Variants in RAPH1 observed in about 807,000 individuals in gnomAD.
The protein encoded by RAPH1 is Ras association (RalGDS/AF-6) and pleckstrin homology domains 1, also known as ras-associated and pleckstrin homology domains-containing protein 1.
In RAPH1, 18 loss-of-function variants were observed where a neutral mutation model predicts 88.1. That is an observed-to-expected ratio of 0.20 (90% confidence interval 0.14 to 0.30). RAPH1 has a LOEUF of 0.30. RAPH1 is among the 10% of genes least tolerant of loss of function. The pLI is 1.00. For synonymous variants in RAPH1, 587 were observed against 559.0 expected, an observed-to-expected ratio of 1.05 and a Z score of -0.71; for missense variants, 1,448 against 1,543.2, an observed-to-expected ratio of 0.94 and a Z score of 1.03.
intron 4 of RAPH1, among the ~76,000 whole-genome samples, chr2:203,484,093 AG>A (rs1687853094): frequency 6.6e-6 from 1 of 152,162 alleles, no homozygotes; most frequent in Admixed American, 6.6e-5. Flanking sequence ...ATCTCTCTGG[AG>A]AAATATAATA....
Position 203,448,190 on chromosome 2 carries a change from A to T in RAPH1, c.1513-111T>A. 4 of 973,616 alleles carry T rather than the reference A, an allele frequency of 4.1e-6. No individual in the cohort carries two copies. Among genetic ancestry groups the T allele is most frequent in the Non-Finnish European group, 6.1e-6 (4 of 659,080 alleles). 60.3% of individuals were successfully genotyped at this position (973,616 alleles called of 1,614,324 possible). On this transcript the variant is annotated intron_variant, in intron 11 of 13. Coordinates refer to ENST00000319170, the MANE Select transcript of RAPH1 (RefSeq NM_213589.3). The surrounding 1 kb of genome is among the most constrained non-coding windows in gnomAD (Gnocchi z 4.1). Reference sequence around the variant, plus strand: ...TTTACTGATTGATGGTCTGTATTAAAATTAATACCTATGATAGTTCAAAAA... The same window carrying T: ...TTTACTGATTGATGGTCTGTATTAATATTAATACCTATGATAGTTCAAAAA...
chr2:203,465,397 A>G (rs1029931013), intron 4 of RAPH1, among the ~76,000 whole-genome samples: 1 of 152,246 alleles, frequency 6.6e-6, no homozygotes, highest in African/African-American at 2.4e-5. Context: ...TCAGAAAGAT[A>G]TTTAGTGTAC....
chr2:203,456,104 A>AAATGTTTATTAAATAAAAATGCCAGTC (rs2098519323), intron 8 of RAPH1, among the ~76,000 whole-genome samples: 1 of 152,214 alleles, frequency 6.6e-6, no homozygotes, highest in South Asian at 2.1e-4. Flanking sequence ...GGCAATCCTA[A>AAATGTTTATTAAATAAAAATGCCAGTC]AATGTTTATT....
intron 13 of RAPH1, 91 bp downstream of exon 13, chr2:203,444,777 T>A (rs1347262736): frequency 8.3e-7 from 1 of 1,207,810 alleles, no homozygotes; most frequent in Non-Finnish European, 1.2e-6. Context: ...TAAGGCCAAA[T>A]AAGATCCCCG....
intron 4 of RAPH1, chr2:203,477,043 T>C: frequency 6.7e-7 from 1 of 1,487,788 alleles, no homozygotes; most frequent in Middle Eastern, 1.7e-4. Flanking sequence ...TCCTCTTCAT[T>C]AAGTCATGCC....
At chr2:203,518,203 A>C (rs1355682501) in intron 1 of RAPH1, among the ~76,000 whole-genome samples, 1 of 152,206 alleles carries the variant, frequency 6.6e-6, no homozygotes, top group African/African-American at 2.4e-5. Flanking sequence ...GATCTTACAG[A>C]CATTAAAAGG....
At position 203,435,539 on chromosome 2, in the gene RAPH1, A is replaced by C. The variant is rs1050792104; in HGVS notation, c.*3898T>G. The C allele has an allele frequency of 1.3e-5, 2 of 152,038 alleles. No homozygotes were observed. Among genetic ancestry groups the C allele is most frequent in the African/African-American group, 4.8e-5 (2 of 41,392 alleles). 9.4% of individuals were successfully genotyped at this position (152,038 alleles called of 1,614,324 possible). A position where few individuals can be genotyped will look rare whatever the true frequency, so the allele number is the denominator to read the frequency against. ...TGTATATTAAAAAAAAAAAAGTGAA[A>C]GTTACCTGCAATCTAAAGGGTTTTC... is the stretch of plus-strand genomic sequence containing the variant. On this transcript the variant is annotated 3_prime_UTR_variant, in exon 14 of 14. Transcript: ENST00000319170.
At chr2:203,451,362 G>A (rs983317022) in intron 10 of RAPH1, among the ~76,000 whole-genome samples, 3 of 152,052 alleles carry the variant, frequency 2.0e-5, no homozygotes, top group Admixed American at 6.5e-5. Context: ...TTAAAACAGC[G>A]CTCAAAATTG....
At chr2:203,500,070 T>A (rs557687345) in intron 1 of RAPH1, among the ~76,000 whole-genome samples, 1 of 152,098 alleles carries the variant, frequency 6.6e-6, no homozygotes, top group Non-Finnish European at 1.5e-5. Flanking sequence ...TCATTGAACA[T>A]TCACCATGCC....
At chr2:203,444,743 G>T in intron 13 of RAPH1, 125 bp downstream of exon 13, 2 of 821,698 alleles carry the variant, frequency 2.4e-6, no homozygotes, top group Admixed American at 2.8e-5. Flanking sequence ...TAGGAAGATT[G>T]AAAATTAATA....
intron 1 of RAPH1, among the ~76,000 whole-genome samples, chr2:203,496,896 C>T (rs1204832583): frequency 6.6e-6 from 1 of 152,052 alleles, no homozygotes; most frequent in African/African-American, 2.4e-5. Flanking sequence ...TGGAATATAG[C>T]CTGTCAGCTG....
At chr2:203,513,794 C>T (rs938735637) in intron 1 of RAPH1, among the ~76,000 whole-genome samples, 1 of 147,428 alleles carries the variant, frequency 6.8e-6, no homozygotes, top group Non-Finnish European at 1.5e-5. Context: ...GAGATCACGC[C>T]ACTGCACTAC....
At chr2:203,512,985 A>C (rs987385689) in intron 1 of RAPH1, among the ~76,000 whole-genome samples, 1 of 152,108 alleles carries the variant, frequency 6.6e-6, no homozygotes, top group Admixed American at 6.6e-5. Context: ...TAAATCTTTC[A>C]TGTTTATGTC....
intron 4 of RAPH1, chr2:203,477,150 T>C (rs1687495699): frequency 3.1e-6 from 5 of 1,613,610 alleles, no homozygotes; most frequent in Non-Finnish European, 4.2e-6. Flanking sequence ...CTCAGAGAAA[T>C]AGCATGCTGT....
chr2:203,506,741 T>TAG (rs1689026158), intron 1 of RAPH1, among the ~76,000 whole-genome samples: 7 of 124,404 alleles, frequency 5.6e-5, no homozygotes, highest in African/African-American at 2.9e-4. Flanking sequence ...TAGATATATA[T>TAG]CTATATATAT....
rs796398966 is a variant in RAPH1, at chr2:203,434,997, CAA to C, written c.*4438_*4439del. 1.4e-4 allele frequency: 21 copies of C among 152,656 alleles called. No individual in the cohort carries two copies. The highest frequency in any genetic ancestry group is 5.1e-4 in the African/African-American group (21 of 41,538). The allele number at this position is 152,656 out of a possible 1,614,324, so 9.5% of individuals were successfully genotyped here. A position where few individuals can be genotyped will look rare whatever the true frequency, so the allele number is the denominator to read the frequency against. ...CTGGATTTCTTTAAAAATATTCTGCCAAAAGAGTTGAAGGCACTGGGGGTTTA... is the reference window on the plus strand; with the variant it reads ...CTGGATTTCTTTAAAAATATTCTGCCAAGAGTTGAAGGCACTGGGGGTTTA... On this transcript the variant is annotated 3_prime_UTR_variant, in exon 14 of 14. Coordinates refer to ENST00000319170, the MANE Select transcript of RAPH1 (RefSeq NM_213589.3).
chr2:203,460,931 A>G (rs2098523719), intron 6 of RAPH1, among the ~76,000 whole-genome samples: 1 of 151,840 alleles, frequency 6.6e-6, no homozygotes, highest in Admixed American at 6.6e-5. Context: ...CCTGGCCAAC[A>G]GGTGAAACCC....
intron 1 of RAPH1, among the ~76,000 whole-genome samples, chr2:203,517,791 A>T (rs1342509058): frequency 3.3e-5 from 5 of 152,248 alleles, no homozygotes; most frequent in Non-Finnish European, 5.9e-5. Flanking sequence ...AGAAATCTCA[A>T]AAGAAATTTT....
Position 203,461,840 on chromosome 2 carries a change from C to T in RAPH1, c.810+8G>A, listed in dbSNP as rs773718635. The T allele has an allele frequency of 3.8e-6, 6 of 1,598,750 alleles. No homozygotes were observed. Among genetic ancestry groups the T allele is most frequent in the Non-Finnish European group, 5.1e-6 (6 of 1,172,774 alleles). On this transcript the variant is annotated splice_region_variant and intron_variant, in intron 5 of 13. Coordinates refer to ENST00000319170, the MANE Select transcript of RAPH1 (RefSeq NM_213589.3). ...AAATCCCAAACCAGGAAGAGGCCCA[C>T]ATATCACCTTTTTCACTTGTGCCTC... is the stretch of plus-strand genomic sequence containing the variant.
Sources: gnomAD v4.1 joint callset for allele counts (sites outside exome capture counted in the v4.1 genomes callset) on GRCh38, gnomAD v4.1.1 for gene constraint, Gnocchi (gnomAD v3.1) non-coding constraint, MANE v1.5 for transcripts, NCBI Gene and HGNC (gene_info 2026-07-23, HGNC 2026-07-21) for gene names.